CHLSN: variants seen among roughly 807,000 people sequenced by gnomAD.
The protein encoded by CHLSN is protein cholesin.
chr7:985,192 G>A, the CHLSN span: 1 of 1,568,748 alleles, frequency 6.4e-7, no homozygotes. Context: ...GGCCCTACTG[G>A]GCTGGGCTCC....
At chr7:983,431 G>A in the CHLSN span, 52 of 1,398,606 alleles carry the variant, frequency 3.7e-5, no homozygotes, top group Non-Finnish European at 4.6e-5. Flanking sequence ...GACAGCTGCC[G>A]TGTCCTGGCC....
At chr7:997,810 C>G in the CHLSN span, 1 of 1,599,518 alleles carries the variant, frequency 6.3e-7, no homozygotes, top group South Asian at 1.1e-5. Flanking sequence ...GGAACCTGGA[C>G]GGGAAAGAGA....
At chr7:1,101,377 A>G in the CHLSN span, among the ~76,000 whole-genome samples, 1 of 152,240 alleles carries the variant, frequency 6.6e-6, no homozygotes, top group Non-Finnish European at 1.5e-5. Flanking sequence ...AGCTGCTGGG[A>G]GTCCCCAGAG....
chr7:1,112,876 G>A, the CHLSN span, among the ~76,000 whole-genome samples: 2 of 152,258 alleles, frequency 1.3e-5, no homozygotes, highest in South Asian at 4.1e-4. Flanking sequence ...CGGCAGCCAC[G>A]TCCTGGGCAC....
chr7:1,005,546 C>A, the CHLSN span, among the ~76,000 whole-genome samples: 2 of 152,270 alleles, frequency 1.3e-5, no homozygotes, highest in Non-Finnish European at 2.9e-5. Context: ...TGGAGCTGGG[C>A]TGTCCCTCGG....
chr7:1,073,925 G>A, the CHLSN span, among the ~76,000 whole-genome samples: 2 of 24,980 alleles, frequency 8.0e-5, no homozygotes, highest in Admixed American at 5.2e-4. Context: ...GCACCCCGCC[G>A]CCGTCACGCC....
chr7:1,065,504 G>C, the CHLSN span, among the ~76,000 whole-genome samples: 1 of 152,262 alleles, frequency 6.6e-6, no homozygotes, highest in African/African-American at 2.4e-5. Context: ...ACCGGGGACA[G>C]GCGCGGCAAC....
the CHLSN span, chr7:983,368 G>T: frequency 6.6e-7 from 1 of 1,526,392 alleles, no homozygotes. Flanking sequence ...GTCGCAACAG[G>T]ACCGGTCCCT....
At chr7:1,093,174 G>T in the CHLSN span, 1 of 564,838 alleles carries the variant, frequency 1.8e-6, no homozygotes, top group Non-Finnish European at 3.5e-6. Context: ...CCTGCCTGCC[G>T]CTGCAGGAAA....
the CHLSN span, chr7:986,689 C>A: frequency 1.2e-6 from 2 of 1,612,624 alleles, no homozygotes; most frequent in Admixed American, 1.7e-5. Flanking sequence ...TGCGCAAGAT[C>A]GAGGAGGTCC....
At chr7:985,366 A>C in the CHLSN span, 1 of 1,534,988 alleles carries the variant, frequency 6.5e-7, no homozygotes, top group Non-Finnish European at 8.8e-7. Flanking sequence ...TGGAGCCTGG[A>C]GTGATGGGCG....
At chr7:1,005,277 G>C in the CHLSN span, among the ~76,000 whole-genome samples, 1 of 152,218 alleles carries the variant, frequency 6.6e-6, no homozygotes, top group African/African-American at 2.4e-5. Context: ...GCGACAGAGT[G>C]AGACTCCATC....
the CHLSN span, chr7:1,026,470 T>C: frequency 6.6e-6 from 1 of 152,174 alleles, no homozygotes; most frequent in African/African-American, 2.4e-5. Context: ...GCTTCACCTG[T>C]GGAAGCCACC....
the CHLSN span, among the ~76,000 whole-genome samples, chr7:1,075,235 CA>C: frequency 1.3e-5 from 2 of 152,074 alleles, no homozygotes; most frequent in Non-Finnish European, 2.9e-5. Context: ...CATTTTAGGC[CA>C]GGGGCGGTGG....
chr7:1,090,463 A>G, the CHLSN span, among the ~76,000 whole-genome samples: 1 of 149,506 alleles, frequency 6.7e-6, no homozygotes, highest in Non-Finnish European at 1.5e-5. Flanking sequence ...CAGCAGGGCC[A>G]GGGTGACACG....
At chr7:1,136,074 GTATATATAAATTTATATAAATGTGTATA>G in the CHLSN span, among the ~76,000 whole-genome samples, 2 of 107,318 alleles carry the variant, frequency 1.9e-5, no homozygotes, top group African/African-American at 7.9e-5. Context: ...ATAAATATAA[GTATATATAAATTTATATAAATGTGTATA>G]TAAATATATA....
chr7:1,100,879 C>T, the CHLSN span, among the ~76,000 whole-genome samples: 33,927 of 152,206 alleles, frequency 0.22, 4,009 homozygotes, highest in African/African-American at 0.25. Flanking sequence ...AGCAAGTCTC[C>T]CGGGAACGGC....
chr7:1,117,338 C>T, the CHLSN span, among the ~76,000 whole-genome samples: 2 of 114,338 alleles, frequency 1.7e-5, no homozygotes, highest in African/African-American at 8.5e-5. Context: ...TCACCGACGC[C>T]CACGCAGGAT....
At chr7:1,016,151 A>G in the CHLSN span, among the ~76,000 whole-genome samples, 231 of 76,570 alleles carry the variant, frequency 3.0e-3, 15 homozygotes, top group African/African-American at 4.6e-3. Context: ...ACACAGCAGC[A>G]CACGCCAGCA....
Sources: gnomAD v4.1 joint callset for allele counts (sites outside exome capture counted in the v4.1 genomes callset) on GRCh38, gnomAD v4.1.1 for gene constraint, MANE v1.5 for transcripts, NCBI Gene and HGNC (gene_info 2026-07-23, HGNC 2026-07-21) for gene names.